The following LDB1 variants were observed in gnomAD, a reference collection of about 807,000 sequenced individuals.
The protein encoded by LDB1 is LIM domain binding 1, also known as LIM domain-binding protein 1.
A neutral mutation model predicts 49.7 loss-of-function variants in LDB1; 6 were observed. The observed-to-expected ratio is 0.12, with a 90% CI of 0.07 to 0.24. LDB1 has a LOEUF of 0.24. Among genes scored for constraint, LDB1 ranks in the 10% least tolerant of loss-of-function variants. The pLI, the probability that LDB1 is intolerant of heterozygous loss-of-function variation, is 1.00. For synonymous variants in LDB1, 233 were observed against 202.0 expected, an observed-to-expected ratio of 1.15 and a Z score of -1.30; for missense variants, 341 against 561.7, an observed-to-expected ratio of 0.61 and a Z score of 3.97.
chr10:102,104,860 C>T (rs986897466), downstream of LDB1, among the ~76,000 whole-genome samples: 17 of 152,290 alleles, frequency 1.1e-4, no homozygotes, highest in East Asian at 9.6e-4. Flanking sequence ...CCCTCATTTA[C>T]GGATTTATAG....
chr10:102,109,840 C>G lies in LDB1; in HGVS notation c.648+81G>C. 2 of 1,579,294 alleles carry G rather than the reference C, an allele frequency of 1.3e-6. No homozygotes were observed. Among genetic ancestry groups the G allele is most frequent in the Admixed American group, 3.4e-5 (2 of 58,604 alleles). ...AACCCTAACCCTCTGTCTAAGTAGT[C>G]AGTCGGGAAATGGCAGACCTTGTTC... On this transcript the variant is annotated intron_variant, in intron 7 of 10. Transcript: ENST00000673968. This position sits in a 1 kb window ranked among gnomAD's most constrained non-coding sequence, Gnocchi z 5.8.
Position 102,110,990 on chromosome 10 carries a change from G to T in LDB1, c.250-19C>A, listed in dbSNP as rs1192224998. ...CACACTCCTAGGGAGCATGGTAACG[G>T]GTGTTCATGTGTCATAAGATATCCC... On this transcript the variant is annotated intron_variant, in intron 4 of 10. Coordinates refer to ENST00000673968, the MANE Select transcript of LDB1 (RefSeq NM_001113407.3). 1.4e-5 allele frequency: 22 copies of T among 1,612,180 alleles called. No individual in the cohort carries two copies. The highest frequency in any genetic ancestry group is 1.9e-5 in the Non-Finnish European group (22 of 1,178,240).
rs1363256215 is a variant in LDB1 at position 102,109,003 on chromosome 10, A to G, written c.1005+26T>C. On this transcript the variant is annotated intron_variant, in intron 10 of 10. Coordinates refer to ENST00000673968, the MANE Select transcript of LDB1 (RefSeq NM_001113407.3). This position sits in a 1 kb window ranked among gnomAD's most constrained non-coding sequence, Gnocchi z 5.8. ...GGGGTGAGTGGTGGGGCAGCCCAGAAGAGAGAAGAAAGCCGAGATGCTTAC... is the reference window on the plus strand; with the variant it reads ...GGGGTGAGTGGTGGGGCAGCCCAGAGGAGAGAAGAAAGCCGAGATGCTTAC... 6.2e-6 allele frequency: 10 copies of G among 1,614,190 alleles called. No homozygotes were observed. Among genetic ancestry groups the G allele is most frequent in the Non-Finnish European group, 8.5e-6 (10 of 1,180,024 alleles).
At position 102,109,316 on chromosome 10, in the gene LDB1, A is replaced by G; in HGVS notation, c.856+68T>C. 1 of 1,607,824 alleles carries G rather than the reference A, an allele frequency of 6.2e-7. No homozygotes were observed. The highest frequency in any genetic ancestry group is 8.5e-7 in the Non-Finnish European group (1 of 1,176,784). On this transcript the variant is annotated intron_variant, in intron 9 of 10. Coordinates refer to ENST00000673968, the MANE Select transcript of LDB1 (RefSeq NM_001113407.3). This position sits in a 1 kb window ranked among gnomAD's most constrained non-coding sequence, Gnocchi z 5.8. ...AAGGAAGGGGTGGGGAAAACTTCAA[A>G]AGGAAATAAAGATACAGCTTTGGGG...
chr10:102,114,486 CG>C (rs1180695720), intron 1 of LDB1: 4 of 985,976 alleles, frequency 4.1e-6, no homozygotes, highest in African/African-American at 3.5e-5. Flanking sequence ...TGAGGGCTGA[CG>C]GGGGGACAAC....
At chr10:102,115,511 GGAGGAA>G (rs1279895015) in intron 1 of LDB1, among the ~76,000 whole-genome samples, 1 of 152,160 alleles carries the variant, frequency 6.6e-6, no homozygotes, top group Non-Finnish European at 1.5e-5. Flanking sequence ...AACACTGATT[GGAGGAA>G]GGGGGACACT....
chr10:102,115,556 A>C (rs1486013816), intron 1 of LDB1, among the ~76,000 whole-genome samples: 6 of 152,042 alleles, frequency 3.9e-5, no homozygotes, highest in African/African-American at 1.4e-4. Context: ...AACCCAGCTA[A>C]ATTCCAAGCC....
intron 6 of LDB1, 143 bp downstream of exon 6, chr10:102,110,386 G>A (rs568098950): frequency 4.4e-5 from 35 of 799,842 alleles, no homozygotes; most frequent in South Asian, 2.4e-4. Context: ...GTTTGCTGAC[G>A]GTTGCAACAT....
chr10:102,117,985 G>A lies in LDB1; in HGVS notation c.25+2101C>T, dbSNP rs972556952. Among the ~76,000 whole-genome samples the A allele has an allele frequency of 4.6e-5, 7 of 152,062 alleles. No individual in the cohort carries two copies. Among genetic ancestry groups the A allele is most frequent in the Admixed American group, 6.5e-5 (1 of 15,278 alleles). ...CGGGCTGGGGGAGGAGGAGGAGCCC[G>A]GAGACAGCAGAACACAAAGGAGAGA... is the stretch of plus-strand genomic sequence containing the variant. On this transcript the variant is annotated intron_variant, in intron 1 of 10. Transcript: ENST00000673968. This position sits in a 1 kb window ranked among gnomAD's most constrained non-coding sequence, Gnocchi z 4.2.
intron 1 of LDB1, among the ~76,000 whole-genome samples, chr10:102,116,077 C>T (rs528125204): frequency 6.6e-6 from 1 of 152,326 alleles, no homozygotes; most frequent in East Asian, 1.9e-4. Flanking sequence ...GACATACTCA[C>T]TAGTTAACTG....
At chr10:102,112,325 T>C (rs1196762929) in intron 1 of LDB1, among the ~76,000 whole-genome samples, 1 of 152,180 alleles carries the variant, frequency 6.6e-6, no homozygotes, top group African/African-American at 2.4e-5. Context: ...ATAAAGCTAG[T>C]AACTGTCAAA....
At chr10:102,110,824 A>C in intron 5 of LDB1, 45 bp downstream of exon 5, 1 of 1,584,748 alleles carries the variant, frequency 6.3e-7, no homozygotes, top group Non-Finnish European at 8.7e-7. Context: ...TTAGAACGAC[A>C]TAGGAGGTAT....
Position 102,117,811 on chromosome 10 carries a change from C to A in LDB1, c.25+2275G>T. On this transcript the variant is annotated intron_variant, in intron 1 of 10. Coordinates refer to ENST00000673968, the MANE Select transcript of LDB1 (RefSeq NM_001113407.3). The surrounding 1 kb of genome is among the most constrained non-coding windows in gnomAD (Gnocchi z 4.2). ...TCTCCCTGCTCCCAGCCATTCCAGC[C>A]CCAGAAGCTGGTCCTCACCCCAGGA... 6.6e-6 allele frequency among the ~76,000 whole-genome samples: 1 copy of A among 152,198 alleles called. No homozygotes were observed. The highest frequency in any genetic ancestry group is 1.9e-4 in the East Asian group (1 of 5,200).
chr10:102,114,812 G>GGGCCCCCC, intron 1 of LDB1: 356 of 929,626 alleles, frequency 3.8e-4, no homozygotes, highest in Non-Finnish European at 4.2e-4. Context: ...CCTCCGAGCA[G>GGGCCCCCC]CCCGCCCGCC....
Position 102,108,086 on chromosome 10 carries a change from G to C in LDB1, c.*7C>G, listed in dbSNP as rs774992937. Reference sequence around the variant, plus strand: ...GGCAGAGCACTGGGTGGCCACAGCAGGGCCTTTTACTGGGAGGCCTGTGAC... The same window carrying C: ...GGCAGAGCACTGGGTGGCCACAGCACGGCCTTTTACTGGGAGGCCTGTGAC... On this transcript the variant is annotated 3_prime_UTR_variant, in exon 11 of 11. Transcript: ENST00000673968. The C allele has an allele frequency of 6.2e-7, 1 of 1,608,066 alleles. No individual in the cohort carries two copies.
intron 6 of LDB1, 42 bp from the exon 7 acceptor site, chr10:102,110,085 C>A (rs1158989411): frequency 1.3e-6 from 2 of 1,592,146 alleles, no homozygotes; most frequent in African/African-American, 2.7e-5. Context: ...TCCCCACATA[C>A]CATACCTGAA....
rs909078715 is a variant in LDB1 at position 102,106,840 on chromosome 10, C to T, written c.*1253G>A. 1.2e-4 allele frequency among the ~76,000 whole-genome samples: 18 copies of T among 152,094 alleles called. No homozygotes were observed. Among genetic ancestry groups the T allele is most frequent in the African/African-American group, 4.1e-4 (17 of 41,416 alleles). On this transcript the variant is annotated 3_prime_UTR_variant, in exon 11 of 11. Coordinates refer to ENST00000673968, the MANE Select transcript of LDB1 (RefSeq NM_001113407.3). ...TGCACCCTGGCAGAGCCGAGGATCCCGGCTGCCTCCTCCTCCTTCCTTCTG... is the reference window on the plus strand; with the variant it reads ...TGCACCCTGGCAGAGCCGAGGATCCTGGCTGCCTCCTCCTCCTTCCTTCTG...
rs2068197311 is a variant in LDB1, at chr10:102,108,318, C to T, written c.1011G>A (p.Val337=). 1 of 1,613,200 alleles carries T rather than the reference C, an allele frequency of 6.2e-7. No homozygotes were observed. The highest frequency in any genetic ancestry group is 1.7e-5 in the Admixed American group (1 of 59,980). Residue 337 remains valine (V), a synonymous_variant, in exon 11 of 11, where the codon GTG becomes GTA. Coordinates refer to ENST00000673968, the MANE Select transcript of LDB1 (RefSeq NM_001113407.3). ...TCAGGGTGGGCTCCCCCACCACCAT[C>T]ACATCCTGAGAGTGGCGGAGGTCCC... ...TFALSSQVPD[V]MVVGEPTLMG... is the part of the protein sequence containing the mutation.
At chr10:102,114,816 GC>G in intron 1 of LDB1, 1 of 238,812 alleles carries the variant, frequency 4.2e-6, no homozygotes, top group Non-Finnish European at 5.4e-6. Flanking sequence ...CGAGCAGCCC[GC>G]CCGCCCTCCC....
Sources: gnomAD v4.1 joint callset for allele counts (sites outside exome capture counted in the v4.1 genomes callset) on GRCh38, gnomAD v4.1.1 for gene constraint, Gnocchi (gnomAD v3.1) non-coding constraint, MANE v1.5 for transcripts, NCBI Gene and HGNC (gene_info 2026-07-23, HGNC 2026-07-21) for gene names.